The following PARD3 variants were observed in gnomAD, a reference collection of about 807,000 sequenced individuals.
The protein encoded by PARD3 is par-3 family cell polarity regulator, also known as partitioning defective 3 homolog.
Under a neutral mutation model 155.4 loss-of-function variants are expected in PARD3, and 75 were observed. The observed-to-expected ratio is 0.48, with a 90% CI of 0.40 to 0.58. The LOEUF is 0.58. Among genes scored for constraint, PARD3 ranks in the 20% least tolerant of loss-of-function variants. The pLI is 0.00. For synonymous variants in PARD3, 576 were observed against 610.5 expected, an observed-to-expected ratio of 0.94 and a Z score of 0.83; for missense variants, 1,642 against 1,721.7, an observed-to-expected ratio of 0.95 and a Z score of 0.82.
chr10:34,136,689 C>T (rs909762798), intron 22 of PARD3, among the ~76,000 whole-genome samples: 3 of 152,108 alleles, frequency 2.0e-5, no homozygotes, highest in Non-Finnish European at 2.9e-5. Context: ...AAAATACAGT[C>T]GCTCAGGTTT....
chr10:34,813,027 T>C (rs4468299), intron 1 of PARD3, among the ~76,000 whole-genome samples: 132,799 of 152,188 alleles, frequency 0.87, 57,997 homozygotes, highest in Middle Eastern at 0.93. Context: ...CTTGCTCAGC[T>C]TCTCACAGCC....
intron 16 of PARD3, among the ~76,000 whole-genome samples, chr10:34,341,035 C>T (rs772576714): frequency 6.6e-6 from 1 of 152,070 alleles, no homozygotes; most frequent in Non-Finnish European, 1.5e-5. Flanking sequence ...CACACATCCA[C>T]CTTCATGAGC....
At chr10:34,585,633 T>C (rs1032452716) in intron 2 of PARD3, among the ~76,000 whole-genome samples, 3 of 151,850 alleles carry the variant, frequency 2.0e-5, no homozygotes, top group African/African-American at 7.3e-5. Context: ...GCGGGTGTCA[T>C]TTCAGAGGTT....
intron 4 of PARD3, among the ~76,000 whole-genome samples, chr10:34,460,687 G>C (rs564548532): frequency 6.6e-6 from 1 of 152,034 alleles, no homozygotes; most frequent in Non-Finnish European, 1.5e-5. Flanking sequence ...CAAAAAATTA[G>C]CCGGGTGTGG....
intron 22 of PARD3, among the ~76,000 whole-genome samples, chr10:34,264,430 A>C (rs1449455695): frequency 2.6e-5 from 4 of 152,254 alleles, no homozygotes; most frequent in Admixed American, 2.6e-4. Flanking sequence ...TTCATGAAAT[A>C]GAAACCTGAT....
intron 2 of PARD3, among the ~76,000 whole-genome samples, chr10:34,655,521 G>A (rs561200637): frequency 2.0e-5 from 3 of 152,080 alleles, no homozygotes; most frequent in Non-Finnish European, 4.4e-5. Flanking sequence ...ACCAGCACAC[G>A]ATTCATACTC....
chr10:34,311,712 T>G (rs759484281), intron 20 of PARD3, among the ~76,000 whole-genome samples: 14 of 152,142 alleles, frequency 9.2e-5, no homozygotes, highest in Admixed American at 2.0e-4. Context: ...TTCAGCCATC[T>G]AAGCACAGAA....
chr10:34,623,872 T>C (rs1214118946), intron 2 of PARD3, among the ~76,000 whole-genome samples: 1 of 150,264 alleles, frequency 6.7e-6, no homozygotes, highest in Non-Finnish European at 1.5e-5. Flanking sequence ...TCCCACCTAC[T>C]TGGGAGGCTG....
chr10:34,394,648 T>G (rs972397961), intron 7 of PARD3, among the ~76,000 whole-genome samples: 1 of 152,226 alleles, frequency 6.6e-6, no homozygotes, highest in Admixed American at 6.5e-5. Flanking sequence ...TCTTATCATT[T>G]CATAGGTCCA....
intron 22 of PARD3, among the ~76,000 whole-genome samples, chr10:34,226,582 G>A (rs1050837383): frequency 6.6e-5 from 10 of 152,302 alleles, no homozygotes; most frequent in Admixed American, 5.9e-4. Flanking sequence ...AGTAGTACTG[G>A]TGGAGATGTG....
intron 1 of PARD3, among the ~76,000 whole-genome samples, chr10:34,767,821 T>C (rs187277534): frequency 9.6e-4 from 146 of 151,918 alleles, no homozygotes; most frequent in Middle Eastern, 3.4e-3. Context: ...CTGGACATGG[T>C]GGCGCACCCT....
At chr10:34,217,570 C>T (rs553787564) in intron 22 of PARD3, among the ~76,000 whole-genome samples, 1 of 152,060 alleles carries the variant, frequency 6.6e-6, no homozygotes, top group East Asian at 1.9e-4. Context: ...CACCTTGGAG[C>T]AGACAGCAGA....
At chr10:34,418,361 A>C (rs1210751895) in intron 5 of PARD3, among the ~76,000 whole-genome samples, 1 of 152,060 alleles carries the variant, frequency 6.6e-6, no homozygotes, top group Non-Finnish European at 1.5e-5. Flanking sequence ...TTTTCTAGAG[A>C]TGGGGTTTCT....
intron 1 of PARD3, among the ~76,000 whole-genome samples, chr10:34,738,029 C>G (rs2094946754): frequency 6.6e-6 from 1 of 152,220 alleles, no homozygotes; most frequent in Admixed American, 6.5e-5. Flanking sequence ...AGACTCTGGA[C>G]TGCCTCATAC....
intron 5 of PARD3, among the ~76,000 whole-genome samples, chr10:34,419,887 A>T (rs1744035562): frequency 6.6e-6 from 1 of 152,352 alleles, no homozygotes. Context: ...TTTTTACTTA[A>T]CAACATGACT....
intron 2 of PARD3, among the ~76,000 whole-genome samples, chr10:34,686,474 G>A (rs1466770513): frequency 2.7e-5 from 4 of 150,850 alleles, no homozygotes; most frequent in African/African-American, 4.9e-5. Flanking sequence ...AGTAGCTCAC[G>A]CCTATAATCC....
chr10:34,340,346 A>G (rs1204598855), intron 16 of PARD3, among the ~76,000 whole-genome samples: 3 of 152,172 alleles, frequency 2.0e-5, no homozygotes, highest in African/African-American at 7.2e-5. Context: ...TGTTGTTGCT[A>G]CTTTCATTTT....
chr10:34,178,814 A>G lies in PARD3; in HGVS notation c.3420-47231T>C, dbSNP rs556575283. ...ATTTGCTTAGTGGTCACCTAATAGA[A>G]TGCTTTCATAACTTTAACAAGGACC... On this transcript the variant is annotated intron_variant, in intron 22 of 24. Coordinates refer to ENST00000374788, the MANE Select transcript of PARD3 (RefSeq NM_001184785.2). Among the ~76,000 whole-genome samples, 24 of 152,344 alleles carry G rather than the reference A, an allele frequency of 1.6e-4. No homozygotes were observed. In the South Asian group the frequency reaches 1.9e-3, roughly 12 times the overall value.
rs1839229980 is a variant in PARD3, at chr10:34,774,006, C to A, written c.120+40870G>T. 2.0e-5 allele frequency among the ~76,000 whole-genome samples: 3 copies of A among 152,206 alleles called. No individual in the cohort carries two copies. The South Asian group carries it at 6.2e-4, about 32-fold the overall frequency. On this transcript the variant is annotated intron_variant, in intron 1 of 24. Transcript: ENST00000374788. ...AATGTGCTTTACTTTAAGCCAGTGG[C>A]TTTCCAAGTTACTAAACACAGTCCA...
Sources: allele counts gnomAD v4.1 joint callset (sites outside exome capture counted in the v4.1 genomes callset), GRCh38; gene constraint gnomAD v4.1.1; transcripts MANE v1.5; gene names NCBI Gene and HGNC (gene_info 2026-07-23, HGNC 2026-07-21).